Variants in PLG observed in about 807,000 individuals in gnomAD.
PLG encodes plasmin.
Under a neutral mutation model 104.4 loss-of-function variants are expected in PLG, and 41 were observed. The observed-to-expected ratio is 0.39, with a 90% CI of 0.31 to 0.51. PLG has a LOEUF of 0.51. Ranked by LOEUF, PLG falls within the 20% of genes least tolerant of loss-of-function variation. The pLI, the probability that PLG is intolerant of heterozygous loss-of-function variation, is 0.76. For synonymous variants in PLG, 337 were observed against 357.1 expected (o/e 0.94, Z 0.63); for missense variants, 891 against 1,003.6 (o/e 0.89, Z 1.52).
At chr6:160,747,117 G>A (rs1778289327) in intron 17 of PLG, among the ~76,000 whole-genome samples, 1 of 152,166 alleles carries the variant, frequency 6.6e-6, no homozygotes, top group South Asian at 2.1e-4. Context: ...GTTATAATTA[G>A]ACTAGTCTTC....
intron 1 of PLG, chr6:160,706,205 G>C (rs962675296): frequency 1.5e-4 from 103 of 671,296 alleles, no homozygotes; most frequent in African/African-American, 1.5e-3. Context: ...AGTGTCTTTA[G>C]TTGCCATCTT....
At chr6:160,703,944 G>A (rs1294668990) in intron 1 of PLG, among the ~76,000 whole-genome samples, 1 of 152,160 alleles carries the variant, frequency 6.6e-6, no homozygotes, top group Non-Finnish European at 1.5e-5. Context: ...AGAGGGAAAA[G>A]TTTCTTTTAC....
At chr6:160,730,988 G>T in intron 10 of PLG, 63 bp from the exon 11 acceptor site, 1 of 1,495,930 alleles carries the variant, frequency 6.7e-7, no homozygotes, top group Admixed American at 1.7e-5. Flanking sequence ...AAATGTAGAG[G>T]GTGCTGGGTG....
At chr6:160,704,326 A>G (rs1446880177) in intron 1 of PLG, among the ~76,000 whole-genome samples, 1 of 152,274 alleles carries the variant, frequency 6.6e-6, no homozygotes, top group African/African-American at 2.4e-5. Context: ...GGATCTCAGC[A>G]GCGATGCGCT....
chr6:160,718,356 C>G lies in PLG; in HGVS notation c.850C>G (p.Arg284Gly), dbSNP rs1261821465. Reference sequence around the variant, plus strand: ...TCTGAAGGGAACAGGTGAAAACTATCGCGGGAATGTGGCTGTTACCGTGTC... The same window carrying G: ...TCTGAAGGGAACAGGTGAAAACTATGGCGGGAATGTGGCTGTTACCGTGTC... ...QCLKGTGENYRGNVAVTVSGH... is the reference protein window; with the variant it reads ...QCLKGTGENYGGNVAVTVSGH... Residue 284 changes from arginine to glycine, a missense_variant, in exon 8 of 19, where the codon CGC (arginine) becomes GGC (glycine). By Grantham distance (125) the Arg-to-Gly change is moderately radical. This residue lies in a region of PLG where 854 missense variants were observed against 932.1 expected (regional missense o/e 0.92). Transcript: ENST00000308192. 2 of 1,613,828 alleles carry G rather than the reference C, an allele frequency of 1.2e-6. No individual in the cohort carries two copies. The highest frequency in any genetic ancestry group is 1.7e-6 in the Non-Finnish European group (2 of 1,179,654).
Position 160,739,753 on chromosome 6 carries a change from A to G in PLG, c.2018+545A>G, listed in dbSNP as rs1018239109. On this transcript the variant is annotated intron_variant, in intron 16 of 18. Transcript: ENST00000308192. The surrounding 1 kb of genome is among the most constrained non-coding windows in gnomAD (Gnocchi z 4.4). The stretch of plus-strand genomic sequence containing the variant: ...TCCAGCCTGGGCGACAGAGTAAGAC[A>G]CTGTACCAAAAAAAAAAACACCAAA... 1.4e-5 allele frequency among the ~76,000 whole-genome samples: 2 copies of G among 147,856 alleles called. No individual in the cohort carries two copies. The highest frequency in any genetic ancestry group is 2.6e-5 in the African/African-American group (1 of 38,746).
At chr6:160,722,618 T>C (rs1039524398) in intron 10 of PLG, 51 bp downstream of exon 10, 3 of 1,534,610 alleles carry the variant, frequency 2.0e-6, no homozygotes, top group East Asian at 2.2e-5. Context: ...CTGAAATTTC[T>C]GTTAAAAGAG....
rs775623839 is a variant in PLG at position 160,731,806 on chromosome 6, G to A, written c.1500G>A (p.Thr500=). The change falls in exon 12 of 19, where the codon ACG becomes ACA. Residue 500 remains threonine, a synonymous_variant. Coordinates refer to ENST00000308192, the MANE Select transcript of PLG (RefSeq NM_000301.5). The surrounding 1 kb of genome is among the most constrained non-coding windows in gnomAD (Gnocchi z 5.1). ...RGKRATTVTG[T]PCQDWAAQEP... is the part of the protein sequence containing the mutation. ...AGAGGGCGACCACTGTTACTGGGAC[G>A]CCATGCCAGGACTGGGCTGCCCAGG... 171 of 1,613,742 alleles carry A rather than the reference G, an allele frequency of 1.1e-4. 2 individuals carry two copies. The South Asian group carries it at 1.6e-3, about 15-fold the overall frequency.
At chr6:160,714,630 G>A (rs1272213634) in intron 5 of PLG, among the ~76,000 whole-genome samples, 164 bp from the exon 6 acceptor site, 1 of 151,800 alleles carries the variant, frequency 6.6e-6, no homozygotes, top group African/African-American at 2.4e-5. Flanking sequence ...AGAAAATCCT[G>A]AGTCCTTATT....
Position 160,738,178 on chromosome 6 carries a change from GAA to G in PLG, c.1803-358_1803-357del, listed in dbSNP as rs1314031065. On this transcript the variant is annotated intron_variant, in intron 14 of 18. Coordinates refer to ENST00000308192, the MANE Select transcript of PLG (RefSeq NM_000301.5). This position sits in a 1 kb window ranked among gnomAD's most constrained non-coding sequence, Gnocchi z 6.8. ...CTTACATAGATCTTGTCATAAAAAT[GAA>G]AGAGGCCTCGGGGGAAGGTCTTGGG... Among the ~76,000 whole-genome samples the G allele has an allele frequency of 1.3e-5, 2 of 152,192 alleles. No homozygotes were observed. The highest frequency in any genetic ancestry group is 2.9e-5 in the Non-Finnish European group (2 of 68,040).
intron 5 of PLG, 141 bp from the exon 6 acceptor site, chr6:160,714,642 CCAATTTTATTG>C: frequency 2.5e-6 from 1 of 400,318 alleles, no homozygotes; most frequent in Non-Finnish European, 5.1e-6. Context: ...GTCCTTATTG[CCAATTTTATTG>C]CCAAGTGCCT....
intron 17 of PLG, among the ~76,000 whole-genome samples, chr6:160,751,245 T>C (rs1329336107): frequency 1.3e-5 from 2 of 152,114 alleles, no homozygotes; most frequent in African/African-American, 4.8e-5. Flanking sequence ...TGAACAAAGA[T>C]GTGGAAAGCT....
Position 160,741,318 on chromosome 6 carries a change from G to T in PLG, c.2026G>T (p.Val676Phe). Residue 676 changes from valine (V) to phenylalanine (F), a missense_variant, in exon 17 of 19, where the codon GTC becomes TTC. Physicochemically the swap from Val to Phe is conservative, Grantham distance 50 (BLOSUM62 -1). Transcript: ENST00000308192. The surrounding 1 kb of genome is among the most constrained non-coding windows in gnomAD (Gnocchi z 4.7). ...CTGATGCTTTTCTTTCAGTCCTGCCGTCATCACTGACAAAGTAATCCCAGC... is the reference window on the plus strand; with the variant it reads ...CTGATGCTTTTCTTTCAGTCCTGCCTTCATCACTGACAAAGTAATCCCAGC... ...IALLKLSSPA[V>F]ITDKVIPACL... The T allele has an allele frequency of 6.3e-7, 1 of 1,598,240 alleles. No individual in the cohort carries two copies. The highest frequency in any genetic ancestry group is 8.6e-7 in the Non-Finnish European group (1 of 1,165,478).
At position 160,740,879 on chromosome 6, in the gene PLG, C is replaced by G; in HGVS notation, c.2019-432C>G. 6.6e-6 allele frequency among the ~76,000 whole-genome samples: 1 copy of G among 152,138 alleles called. No individual in the cohort carries two copies. Among genetic ancestry groups the G allele is most frequent in the Non-Finnish European group, 1.5e-5 (1 of 68,020 alleles). On this transcript the variant is annotated intron_variant, in intron 16 of 18. Coordinates refer to ENST00000308192, the MANE Select transcript of PLG (RefSeq NM_000301.5). The surrounding 1 kb of genome is among the most constrained non-coding windows in gnomAD (Gnocchi z 5.2). ...GGAAATGGAGGATCCAAGGATGGAG[C>G]AAGTTGCTCTGGGCACACAACACAT...
intron 17 of PLG, among the ~76,000 whole-genome samples, chr6:160,746,823 C>A (rs948241312): frequency 2.6e-5 from 4 of 152,060 alleles, no homozygotes; most frequent in Non-Finnish European, 5.9e-5. Flanking sequence ...TAGTTGATTT[C>A]TTGTCTTTGG....
In PLG at chr6:160,732,778, T is replaced by C. The variant is rs1248027539; in HGVS notation, c.1587+885T>C. Among the ~76,000 whole-genome samples the C allele has an allele frequency of 6.6e-6, 1 of 152,174 alleles. No individual in the cohort carries two copies. The highest frequency in any genetic ancestry group is 1.5e-5 in the Non-Finnish European group (1 of 68,034). ...CAGAAGAGATGCACGGGGCAAGGCA[T>C]GTGAGAAGGGGCTCAGAGTTTCCAT... is the stretch of plus-strand genomic sequence containing the variant. On this transcript the variant is annotated intron_variant, in intron 12 of 18. Transcript: ENST00000308192. The surrounding 1 kb of genome is among the most constrained non-coding windows in gnomAD (Gnocchi z 4.5).
chr6:160,724,952 A>C lies in PLG; in HGVS notation c.1256+2385A>C, dbSNP rs746832196. Among the ~76,000 whole-genome samples the C allele has an allele frequency of 2.0e-5, 3 of 152,186 alleles. No homozygotes were observed. The highest frequency in any genetic ancestry group is 4.8e-5 in the African/African-American group (2 of 41,456). On this transcript the variant is annotated intron_variant, in intron 10 of 18. Transcript: ENST00000308192. The surrounding 1 kb of genome is among the most constrained non-coding windows in gnomAD (Gnocchi z 5.0). ...GTAAAAGATTCATATTTAATGCCTT[A>C]ATTTCTTTAAAAGATAATTGATGGG...
intron 10 of PLG, among the ~76,000 whole-genome samples, chr6:160,730,195 C>G (rs1267563659): frequency 6.6e-6 from 1 of 152,226 alleles, no homozygotes; most frequent in East Asian, 1.9e-4. Context: ...GACTATTACT[C>G]CGTTGTTTTC....
intron 2 of PLG, among the ~76,000 whole-genome samples, chr6:160,707,250 T>C (rs1196713556): frequency 1.7e-4 from 26 of 151,966 alleles, no homozygotes; most frequent in Admixed American, 1.5e-3. Flanking sequence ...TGAGCACCCA[T>C]AGCAGGACCA....
Sources: allele counts gnomAD v4.1 joint callset (sites outside exome capture counted in the v4.1 genomes callset), GRCh38; gene constraint gnomAD v4.1.1; regional missense constraint gnomAD v4.1.1; non-coding constraint Gnocchi (gnomAD v3.1); transcripts MANE v1.5; gene names NCBI Gene and HGNC (gene_info 2026-07-23, HGNC 2026-07-21).